AKR1E2: variants seen among roughly 807,000 people sequenced by gnomAD.
AKR1E2 encodes 1,5-anhydro-D-fructose reductase.
AKR1E2 carries 43 observed loss-of-function variants against 41.9 expected under a neutral mutation model. The observed-to-expected ratio is 1.03, with a 90% CI of 0.80 to 1.32. AKR1E2 has a LOEUF of 1.32. Ranked by LOEUF, AKR1E2 falls within the 40% of genes most tolerant of loss-of-function variation. The pLI, the probability that AKR1E2 is intolerant of heterozygous loss-of-function variation, is 0.00. For missense variants in AKR1E2, 423 were observed against 396.5 expected (o/e 1.07, Z -0.57); for synonymous variants, 121 against 138.9 (o/e 0.87, Z 0.91).
At chr10:4,830,123 CA>C (rs993407595) in intron 1 of AKR1E2, among the ~76,000 whole-genome samples, 1 of 152,198 alleles carries the variant, frequency 6.6e-6, no homozygotes, top group African/African-American at 2.4e-5. Context: ...AATGAGACTG[CA>C]AACCCGCCCA....
At chr10:4,868,023 G>T in the AKR1E2 span, among the ~76,000 whole-genome samples, 3 of 152,288 alleles carry the variant, frequency 2.0e-5, no homozygotes, top group Non-Finnish European at 2.9e-5. Context: ...TAGGAGACTG[G>T]ATCGTTGGGG....
intron 2 of AKR1E2, among the ~76,000 whole-genome samples, chr10:4,833,136 A>G: frequency 6.6e-6 from 1 of 152,202 alleles, no homozygotes; most frequent in East Asian, 1.9e-4. Context: ...AGTCAGGCAG[A>G]AGGATCCCAG....
At position 4,837,542 on chromosome 10, in the gene AKR1E2, G is replaced by A. The variant is rs757714801; in HGVS notation, c.543G>A (p.Leu181=). ...ACCATGAACAGCTTGAGAGGCTTTT[G>A]AATAAGCCTGGGTTGAGGTTCAAGC... The part of the protein sequence containing the change: ...NFNHEQLERL[L]NKPGLRFKPL... The change falls in exon 5 of 10, where the codon TTG becomes TTA. Residue 181 remains leucine (L), a synonymous_variant. Transcript: ENST00000298375. The A allele has an allele frequency of 6.2e-7, 1 of 1,613,522 alleles. No homozygotes were observed. The highest frequency in any genetic ancestry group is 2.2e-5 in the East Asian group (1 of 44,824).
intron 9 of AKR1E2, 83 bp from the exon 10 acceptor site, chr10:4,847,405 A>T: frequency 6.4e-7 from 1 of 1,557,352 alleles, no homozygotes; most frequent in Non-Finnish European, 8.8e-7. Context: ...TGGGGAGTTT[A>T]AAAGTATATA....
At position 4,830,695 on chromosome 10, in the gene AKR1E2, C is replaced by G. The variant is rs3750739; in HGVS notation, c.60C>G (p.Thr20=). The G allele has an allele frequency of 6.2e-7, 1 of 1,613,906 alleles. No homozygotes were observed. The highest frequency in any genetic ancestry group is 1.1e-5 in the South Asian group (1 of 91,068). The change falls in exon 2 of 10, where the codon ACC becomes ACG. Residue 20 remains threonine, a synonymous_variant. Coordinates refer to ENST00000298375, the MANE Select transcript of AKR1E2 (RefSeq NM_001040177.3). ...TGCAGGCTTCTCCAGGGAAAGTGAC[C>G]GAGGCAGTGAAAGAGGCCATTGACG... is the stretch of plus-strand genomic sequence containing the variant. ...SSWKASPGKV[T]EAVKEAIDAG... is the part of the protein sequence containing the mutation.
chr10:4,862,492 A>T, the AKR1E2 span, among the ~76,000 whole-genome samples: 1 of 152,178 alleles, frequency 6.6e-6, no homozygotes, highest in East Asian at 1.9e-4. Context: ...CTTGATGAGG[A>T]TGACATTGAA....
the AKR1E2 span, among the ~76,000 whole-genome samples, chr10:4,858,235 A>T: frequency 6.6e-6 from 1 of 152,194 alleles, no homozygotes; most frequent in Non-Finnish European, 1.5e-5. Context: ...CAAATTTGAG[A>T]AGATCAATTT....
chr10:4,871,490 A>G, the AKR1E2 span, among the ~76,000 whole-genome samples: 1 of 152,330 alleles, frequency 6.6e-6, no homozygotes, highest in African/African-American at 2.4e-5. Context: ...AATGCTCAAG[A>G]ACTACAAACA....
At chr10:4,859,132 A>AT in the AKR1E2 span, among the ~76,000 whole-genome samples, 1 of 152,050 alleles carries the variant, frequency 6.6e-6, no homozygotes. Flanking sequence ...AGGAATTTGG[A>AT]TTTTATCAAC....
At position 4,839,686 on chromosome 10, in the gene AKR1E2, C is replaced by T. The variant is rs201594132; in HGVS notation, c.583-43C>T. ...CTTCTCTTGTAGAGCTTTTCTTGAACACTAGTGGTCTGAATTTTATGTAAG... is the reference window on the plus strand; with the variant it reads ...CTTCTCTTGTAGAGCTTTTCTTGAATACTAGTGGTCTGAATTTTATGTAAG... On this transcript the variant is annotated intron_variant, in intron 5 of 9. Transcript: ENST00000298375. 2.2e-4 allele frequency: 345 copies of T among 1,562,526 alleles called. 3 individuals are homozygous for T. In the East Asian group the frequency reaches 7.2e-3, roughly 33 times the overall value.
chr10:4,858,737 A>G, the AKR1E2 span, among the ~76,000 whole-genome samples: 16 of 152,140 alleles, frequency 1.1e-4, no homozygotes, highest in Admixed American at 1.0e-3. Context: ...ACCAGAGACT[A>G]GAATGCATGG....
chr10:4,863,800 A>G, the AKR1E2 span, among the ~76,000 whole-genome samples: 1 of 152,258 alleles, frequency 6.6e-6, no homozygotes, highest in East Asian at 1.9e-4. Flanking sequence ...TCCCACAGAA[A>G]TACAAACTAC....
At chr10:4,855,601 C>T in the AKR1E2 span, among the ~76,000 whole-genome samples, 1 of 152,182 alleles carries the variant, frequency 6.6e-6, no homozygotes, top group Non-Finnish European at 1.5e-5. Context: ...TTTATCTTCT[C>T]TCTGTCTGTA....
At chr10:4,858,878 C>G in the AKR1E2 span, among the ~76,000 whole-genome samples, 1 of 141,310 alleles carries the variant, frequency 7.1e-6, no homozygotes, top group African/African-American at 2.6e-5. Context: ...GGCTGGAGTA[C>G]AGTGGCGTGA....
At chr10:4,832,819 A>G (rs553718767) in intron 2 of AKR1E2, among the ~76,000 whole-genome samples, 4 of 152,300 alleles carry the variant, frequency 2.6e-5, no homozygotes, top group South Asian at 2.1e-4. Context: ...ACAGTCAATA[A>G]AAGTAAAATG....
chr10:4,848,997 C>T (rs997167137), downstream of AKR1E2, among the ~76,000 whole-genome samples: 2 of 152,208 alleles, frequency 1.3e-5, no homozygotes, highest in African/African-American at 4.8e-5. Flanking sequence ...TTCTCATCCA[C>T]CTCCCTGCCC....
At chr10:4,854,372 A>G in the AKR1E2 span, among the ~76,000 whole-genome samples, 5 of 152,078 alleles carry the variant, frequency 3.3e-5, no homozygotes, top group South Asian at 2.1e-4. Context: ...GATTATAGGC[A>G]TGAGCCACCG....
In AKR1E2 at chr10:4,830,822, G is replaced by A; in HGVS notation, c.187G>A (p.Asp63Asn). 6.2e-7 allele frequency: 1 copy of A among 1,614,116 alleles called. No individual in the cohort carries two copies. Among genetic ancestry groups the A allele is most frequent in the Non-Finnish European group, 8.5e-7 (1 of 1,179,998 alleles). The change falls in exon 2 of 10, where the codon GAT (aspartate) becomes AAT (asparagine). Residue 63 changes from aspartate to asparagine, a missense_variant. By Grantham distance (23) the Asp-to-Asn change is conservative (BLOSUM62 1). Coordinates refer to ENST00000298375, the MANE Select transcript of AKR1E2 (RefSeq NM_001040177.3). The part of the protein sequence containing the change: ...KIKEGAVRRE[D>N]LFIATKLWCT... Reference sequence around the variant, plus strand: ...CAAGGAAGGCGCTGTAAGACGGGAGGATCTGTTCATTGCCACTAAGGTAGG... The same window carrying A: ...CAAGGAAGGCGCTGTAAGACGGGAGAATCTGTTCATTGCCACTAAGGTAGG...
At chr10:4,866,921 A>G in the AKR1E2 span, among the ~76,000 whole-genome samples, 34,138 of 151,954 alleles carry the variant, frequency 0.22, 4,056 homozygotes, top group Middle Eastern at 0.35. Context: ...CAAGTGCAGG[A>G]TCTGCAAAAT....
Sources: gnomAD v4.1 joint callset for allele counts (sites outside exome capture counted in the v4.1 genomes callset) on GRCh38, gnomAD v4.1.1 for gene constraint, MANE v1.5 for transcripts, NCBI Gene and HGNC (gene_info 2026-07-23, HGNC 2026-07-21) for gene names.